Variants in ATP11A observed in about 807,000 individuals in gnomAD.
ATP11A encodes the protein ATPase phospholipid transporting 11A.
ATP11A carries 81 observed loss-of-function variants against 154.4 expected under a neutral mutation model. The observed-to-expected ratio is 0.52, with a 90% CI of 0.44 to 0.63. The LOEUF is 0.63. Ranked by LOEUF, ATP11A falls within the 30% of genes least tolerant of loss-of-function variation. The pLI is 0.00. For synonymous variants in ATP11A, 623 were observed against 585.9 expected, an observed-to-expected ratio of 1.06 and a Z score of -0.91; for missense variants, 1,316 against 1,474.3, an observed-to-expected ratio of 0.89 and a Z score of 1.76.
chr13:112,764,936 C>T (rs2077039317), intron 1 of ATP11A, among the ~76,000 whole-genome samples: 2 of 152,234 alleles, frequency 1.3e-5, no homozygotes, highest in South Asian at 4.1e-4. Context: ...GAAGCCCCGA[C>T]ACTTGCCTCA....
intron 2 of ATP11A, among the ~76,000 whole-genome samples, chr13:112,800,259 A>G (rs1362007480): frequency 1.3e-5 from 2 of 152,134 alleles, no homozygotes; most frequent in African/African-American, 4.8e-5. Context: ...TAGCCAGGCT[A>G]AACAAGAGGA....
chr13:112,836,405 T>G (rs776342421), intron 16 of ATP11A, among the ~76,000 whole-genome samples, 154 bp downstream of exon 16: 1 of 152,236 alleles, frequency 6.6e-6, no homozygotes, highest in African/African-American at 2.4e-5. Context: ...AAAATACTAA[T>G]TTTTTATTTT....
chr13:112,810,866 C>G (rs887417256), intron 5 of ATP11A, 140 bp downstream of exon 5: 1 of 716,524 alleles, frequency 1.4e-6, no homozygotes, highest in East Asian at 2.8e-5. Flanking sequence ...GCCTGGAAGT[C>G]GGAGGCCACT....
At chr13:112,813,312 T>C (rs999622159) in intron 5 of ATP11A, among the ~76,000 whole-genome samples, 1 of 152,224 alleles carries the variant, frequency 6.6e-6, no homozygotes, top group East Asian at 1.9e-4. Flanking sequence ...TCGGATGTGC[T>C]GCCCAGCTCT....
At chr13:112,730,150 T>C (rs538528528) in intron 1 of ATP11A, among the ~76,000 whole-genome samples, 15 of 152,238 alleles carry the variant, frequency 9.9e-5, no homozygotes, top group Non-Finnish European at 1.8e-4. Context: ...ACGGACCACA[T>C]GGGAGCCGTG....
rs555658753 is a variant in ATP11A at position 112,772,930 on chromosome 13, T to TA, written c.40-12205_40-12204insA. On this transcript the variant is annotated intron_variant, in intron 1 of 29. Transcript: ENST00000375645. ...ATATATTCCAGGTACAATCTCTAAT[T>TA]GTTTATGATTGGCATCTGATCACGG... Among the ~76,000 whole-genome samples, 468 of 152,352 alleles carry TA rather than the reference T, an allele frequency of 3.1e-3. 4 individuals are homozygous for TA. The highest frequency in any genetic ancestry group is 0.011 in the African/African-American group (454 of 41,580).
At chr13:112,752,147 C>T (rs2076708040) in intron 1 of ATP11A, among the ~76,000 whole-genome samples, 1 of 152,080 alleles carries the variant, frequency 6.6e-6, no homozygotes, top group Non-Finnish European at 1.5e-5. Context: ...CACTGTAAAC[C>T]CTGTGTCTGA....
At chr13:112,778,160 G>A (rs776593173) in intron 1 of ATP11A, among the ~76,000 whole-genome samples, 4 of 152,130 alleles carry the variant, frequency 2.6e-5, no homozygotes, top group Non-Finnish European at 5.9e-5. Context: ...ATTTTTTAGC[G>A]GCCAGGTGAG....
At chr13:112,874,822 C>T (rs987088420) in intron 27 of ATP11A, among the ~76,000 whole-genome samples, 1 of 152,190 alleles carries the variant, frequency 6.6e-6, no homozygotes, top group Non-Finnish European at 1.5e-5. Flanking sequence ...GAGAGCCCGG[C>T]CATTCTAACA....
At chr13:112,734,361 C>T (rs1295309366) in intron 1 of ATP11A, among the ~76,000 whole-genome samples, 1 of 152,110 alleles carries the variant, frequency 6.6e-6, no homozygotes, top group Non-Finnish European at 1.5e-5. Context: ...CCGTTGCAAG[C>T]ACAATAATAT....
At position 112,859,428 on chromosome 13, in the gene ATP11A, GTTC is replaced by G. The variant is rs767904176; in HGVS notation, c.2708_2710del (p.Phe903del). On this transcript the variant is annotated inframe_deletion, in exon 23 of 30. Coordinates refer to ENST00000375645, the MANE Select transcript of ATP11A (RefSeq NM_015205.3). The surrounding 1 kb of genome is among the most constrained non-coding windows in gnomAD (Gnocchi z 4.3). ...TCATCTTCCCTCAGTTTTTATACCA[GTTC>G]TTCTGTGGGTTTTCACAACAGGTCA... 2 of 1,614,088 alleles carry G rather than the reference GTTC, an allele frequency of 1.2e-6. No homozygotes were observed. Among genetic ancestry groups the G allele is most frequent in the Non-Finnish European group, 1.7e-6 (2 of 1,179,982 alleles).
rs923696749 is a variant in ATP11A, at chr13:112,754,773, CG to C, written c.40-30356del. 1 of 153,044 alleles carries C rather than the reference CG, an allele frequency of 6.5e-6. No homozygotes were observed. Among genetic ancestry groups the C allele is most frequent in the Non-Finnish European group, 1.5e-5 (1 of 68,640 alleles). The allele number at this position is 153,044 out of a possible 1,614,324, so 9.5% of individuals were successfully genotyped here. A position where few individuals can be genotyped will look rare whatever the true frequency, so the allele number is the denominator to read the frequency against. ...CCCAGGGGCGTGTCACAAATGCGGGCGGGGGGCAGGGCTCCACCCCACAAGC... is the reference window on the plus strand; with the variant it reads ...CCCAGGGGCGTGTCACAAATGCGGGCGGGGGCAGGGCTCCACCCCACAAGC... On this transcript the variant is annotated intron_variant, in intron 1 of 29. Transcript: ENST00000375645. The surrounding 1 kb of genome is among the most constrained non-coding windows in gnomAD (Gnocchi z 5.3).
At position 112,882,252 on chromosome 13, in the gene ATP11A, C is replaced by A. The variant is rs1410702331; in HGVS notation, c.*386C>A. ...AACGCAGGAGGGACATTCTGCTGGCCCACCCTGCGCGCTGTCATGCAGAGG... is the reference window on the plus strand; with the variant it reads ...AACGCAGGAGGGACATTCTGCTGGCACACCCTGCGCGCTGTCATGCAGAGG... On this transcript the variant is annotated 3_prime_UTR_variant, in exon 30 of 30. Transcript: ENST00000375645. The surrounding 1 kb of genome is among the most constrained non-coding windows in gnomAD (Gnocchi z 5.1). 5 of 628,814 alleles carry A rather than the reference C, an allele frequency of 8.0e-6. No homozygotes were observed. In the East Asian group the frequency reaches 3.2e-4, roughly 40 times the overall value. 39.0% of individuals were successfully genotyped at this position (628,814 alleles called of 1,614,324 possible). A position where few individuals can be genotyped will look rare whatever the true frequency, so the allele number is the denominator to read the frequency against.
intron 14 of ATP11A, 73 bp downstream of exon 14, chr13:112,833,096 T>G: frequency 2.6e-6 from 4 of 1,552,026 alleles, no homozygotes; most frequent in Non-Finnish European, 3.5e-6. Flanking sequence ...AGTCAGGGAT[T>G]TGCACCTAGA....
At chr13:112,818,308 C>A (rs1049860326) in intron 6 of ATP11A, among the ~76,000 whole-genome samples, 1 of 143,740 alleles carries the variant, frequency 7.0e-6, no homozygotes, top group East Asian at 2.1e-4. Context: ...ACCGTTGGTG[C>A]GCTTGGTGAC....
chr13:112,715,549 C>T (rs1221920434), intron 1 of ATP11A, among the ~76,000 whole-genome samples: 1 of 66,688 alleles, frequency 1.5e-5, no homozygotes. Flanking sequence ...AGGCCCCCCC[C>T]CACCTGCCTG....
chr13:112,795,450 G>T (rs968415617), intron 2 of ATP11A, among the ~76,000 whole-genome samples: 3 of 152,214 alleles, frequency 2.0e-5, no homozygotes, highest in African/African-American at 7.2e-5. Flanking sequence ...CACTGTCACA[G>T]TTCCCAGCTT....
intron 11 of ATP11A, among the ~76,000 whole-genome samples, chr13:112,825,918 A>C (rs2078921733): frequency 6.6e-6 from 1 of 152,236 alleles, no homozygotes; most frequent in African/African-American, 2.4e-5. Flanking sequence ...AATACTTGGA[A>C]AAAAGGGTCT....
chr13:112,787,263 T>C (rs2077663674), intron 2 of ATP11A, among the ~76,000 whole-genome samples: 1 of 124,956 alleles, frequency 8.0e-6, no homozygotes, highest in Non-Finnish European at 1.6e-5. Flanking sequence ...GGTGTCCTGA[T>C]GCGTAGACTC....
Sources: gnomAD v4.1 joint callset for allele counts (sites outside exome capture counted in the v4.1 genomes callset) on GRCh38, gnomAD v4.1.1 for gene constraint, Gnocchi (gnomAD v3.1) non-coding constraint, MANE v1.5 for transcripts, NCBI Gene and HGNC (gene_info 2026-07-23, HGNC 2026-07-21) for gene names.